The following RNF168 variants were observed in gnomAD, a reference collection of about 807,000 sequenced individuals.
The protein encoded by RNF168 is E3 ubiquitin-protein ligase RNF168.
Under a neutral mutation model 34.9 loss-of-function variants are expected in RNF168, and 34 were observed. That is an observed-to-expected ratio of 0.97 (90% CI 0.74 to 1.30). The LOEUF (loss-of-function observed/expected upper bound fraction) is 1.30. Among genes scored for constraint, RNF168 ranks in the 50% most tolerant of loss-of-function variants. The probability of loss-of-function intolerance (pLI) is 0.00; values close to 1 mark genes in which losing one functional copy is unlikely to be tolerated. For missense variants in RNF168, 725 were observed against 682.5 expected (o/e 1.06, Z -0.69); for synonymous variants, 264 against 254.7 (o/e 1.04, Z -0.35).
chr3:196,478,057 TAACAGTGAGACCCTGTCTCTTAAACAA>T (rs1732188536), intron 4 of RNF168, among the ~76,000 whole-genome samples: 1 of 152,196 alleles, frequency 6.6e-6, no homozygotes, highest in African/African-American at 2.4e-5. Context: ...GTGGCCTGGG[TAACAGTGAGACCCTGTCTCTTAAACAA>T]AACAGAAATA....
chr3:196,474,880 A>C (rs894574252), intron 5 of RNF168: 6 of 267,778 alleles, frequency 2.2e-5, no homozygotes, highest in Non-Finnish European at 4.4e-5. Flanking sequence ...TGTTTTTGTA[A>C]ACAAAGTTTT....
chr3:196,473,983 G>A (rs189392893), intron 5 of RNF168, among the ~76,000 whole-genome samples: 19 of 152,014 alleles, frequency 1.2e-4, no homozygotes, highest in Non-Finnish European at 2.4e-4. Context: ...ACCCTTACAG[G>A]GCATGTGGTC....
rs1732539052 is a variant in RNF168, at chr3:196,489,424, T to A, written c.302-741A>T. Among the ~76,000 whole-genome samples, 3 of 152,068 alleles carry A rather than the reference T, an allele frequency of 2.0e-5. No homozygotes were observed. In the South Asian group the frequency reaches 6.2e-4, roughly 32 times the overall value. On this transcript the variant is annotated intron_variant, in intron 1 of 5. Coordinates refer to ENST00000318037, the MANE Select transcript of RNF168 (RefSeq NM_152617.4). ...TCACTGCAACCTCCGCCTCCCGGGT[T>A]CAAACAATTATTGTGCCTCAGTGTC...
chr3:196,487,459 T>C lies in RNF168; in HGVS notation c.498A>G (p.Arg166=). 6.2e-7 allele frequency: 1 copy of C among 1,614,232 alleles called. No homozygotes were observed. Among genetic ancestry groups the C allele is most frequent in the Non-Finnish European group, 8.5e-7 (1 of 1,180,016 alleles). The change falls in exon 3 of 6, where the codon AGA becomes AGG. Residue 166 remains arginine, a synonymous_variant. Coordinates refer to ENST00000318037, the MANE Select transcript of RNF168 (RefSeq NM_152617.4). The part of the protein sequence containing the change: ...EEKRQAEKRR[R]AMEEQLKSDE... The stretch of plus-strand genomic sequence containing the variant: ...CACTTTTCAGTTGTTCTTCCATCGC[T>C]CTTCGCCTTTTTTCTGCCTGTCTTT...
At chr3:196,494,913 C>T (rs534428227) in intron 1 of RNF168, among the ~76,000 whole-genome samples, 2 of 152,208 alleles carry the variant, frequency 1.3e-5, no homozygotes, top group African/African-American at 4.8e-5. Flanking sequence ...GTCCCAGCTA[C>T]TCAGGAGGTT....
In RNF168 at chr3:196,469,557, T is replaced by C. The variant is rs1159969730; in HGVS notation, c.*2262A>G. ...CTTATTTTCACATTAAAAGAATAGA[T>C]TACTAGATATCAGCAGAAATGCTGT... On this transcript the variant is annotated 3_prime_UTR_variant, in exon 6 of 6. Transcript: ENST00000318037. 6.6e-6 allele frequency: 1 copy of C among 152,196 alleles called. No homozygotes were observed. The highest frequency in any genetic ancestry group is 1.5e-5 in the Non-Finnish European group (1 of 68,034). The allele number at this position is 152,196 out of a possible 1,614,324, so 9.4% of individuals were successfully genotyped here.
intron 1 of RNF168, among the ~76,000 whole-genome samples, chr3:196,502,282 G>A (rs1204083920): frequency 6.6e-6 from 1 of 151,972 alleles, no homozygotes; most frequent in African/African-American, 2.4e-5. Flanking sequence ...AATGAATGGA[G>A]ATGTATAGAT....
chr3:196,474,209 C>A (rs1349555263), intron 5 of RNF168, among the ~76,000 whole-genome samples: 1 of 149,252 alleles, frequency 6.7e-6, no homozygotes, highest in Non-Finnish European at 1.5e-5. Flanking sequence ...CTCACTGCAA[C>A]CTCCGCCTTC....
intron 5 of RNF168, among the ~76,000 whole-genome samples, chr3:196,473,548 T>C (rs1051114731): frequency 4.6e-5 from 7 of 152,146 alleles, no homozygotes; most frequent in Admixed American, 1.3e-4. Context: ...TAAGTATAAA[T>C]GATATTTAAA....
At position 196,472,129 on chromosome 3, in the gene RNF168, CCT is replaced by C; in HGVS notation, c.1404_1405del (p.Gly469IlefsTer4). On this transcript the variant is annotated frameshift_variant, in exon 6 of 6. Transcript: ENST00000318037. LOFTEE classifies it high-confidence loss of function. Reference sequence around the variant, plus strand: ...GCGTAAGTGATACTCATCTGGGGATCCTTTTTGCCGGTTTGGCACCATTTGCT... The same window carrying C: ...GCGTAAGTGATACTCATCTGGGGATCTTTTGCCGGTTTGGCACCATTTGCT... 6.2e-7 allele frequency: 1 copy of C among 1,614,048 alleles called. No homozygotes were observed. Among genetic ancestry groups the C allele is most frequent in the South Asian group, 1.1e-5 (1 of 91,042 alleles).
At chr3:196,500,569 T>C (rs1169038309) in intron 1 of RNF168, among the ~76,000 whole-genome samples, 2 of 152,170 alleles carry the variant, frequency 1.3e-5, no homozygotes, top group African/African-American at 2.4e-5. Context: ...GTTCTGGAGA[T>C]GGACGGTGGT....
intron 1 of RNF168, among the ~76,000 whole-genome samples, chr3:196,492,099 C>T (rs1378610828): frequency 1.3e-5 from 2 of 152,146 alleles, no homozygotes; most frequent in Non-Finnish European, 2.9e-5. Flanking sequence ...TCATGTCACG[C>T]AACTGTCCAT....
chr3:196,488,473 C>T, intron 2 of RNF168, 134 bp downstream of exon 2: 2 of 537,126 alleles, frequency 3.7e-6, no homozygotes, highest in Non-Finnish European at 6.6e-6. Flanking sequence ...CAGAGTGAGA[C>T]TCCATCTCAA....
At chr3:196,484,247 T>C (rs557027090) in intron 3 of RNF168, among the ~76,000 whole-genome samples, 2 of 146,124 alleles carry the variant, frequency 1.4e-5, no homozygotes, top group African/African-American at 5.1e-5. Flanking sequence ...CTCGGCTCAC[T>C]GCAAGCTCCA....
intron 1 of RNF168, among the ~76,000 whole-genome samples, chr3:196,495,534 G>C (rs896502091): frequency 2.6e-5 from 4 of 152,158 alleles, no homozygotes; most frequent in African/African-American, 7.2e-5. Context: ...ACGTTTTGTA[G>C]AATTTCAATT....
intron 1 of RNF168, 113 bp downstream of exon 1, chr3:196,502,760 C>A (rs1223196032): frequency 1.1e-6 from 1 of 909,090 alleles, no homozygotes; most frequent in Non-Finnish European, 1.8e-6. Flanking sequence ...ACTATTTAGA[C>A]AAATACTAGT....
At chr3:196,486,632 G>C (rs1192980493) in intron 3 of RNF168, among the ~76,000 whole-genome samples, 1 of 152,194 alleles carries the variant, frequency 6.6e-6, no homozygotes, top group African/African-American at 2.4e-5. Context: ...TCGCACCCTG[G>C]CAAGAAAAAA....
Position 196,503,128 on chromosome 3 carries a change from A to C in RNF168, c.46T>G (p.Cys16Gly). Residue 16 changes from cysteine (C) to glycine (G), a missense_variant, in exon 1 of 6, where the codon TGC becomes GGC. Transcript: ENST00000318037. ...ACGAGGATTTCCATGCAGATCCCGCACTGGCACTCGGACAGCGAGGGGATG... is the reference window on the plus strand; with the variant it reads ...ACGAGGATTTCCATGCAGATCCCGCCCTGGCACTCGGACAGCGAGGGGATG... ...DAIPSLSECQ[C>G]GICMEILVEP... 1 of 1,614,168 alleles carries C rather than the reference A, an allele frequency of 6.2e-7. No individual in the cohort carries two copies. Among genetic ancestry groups the C allele is most frequent in the Non-Finnish European group, 8.5e-7 (1 of 1,180,006 alleles).
At chr3:196,498,405 G>A (rs963675359) in intron 1 of RNF168, among the ~76,000 whole-genome samples, 10 of 151,906 alleles carry the variant, frequency 6.6e-5, no homozygotes, top group Non-Finnish European at 1.5e-4. Context: ...CACCCGCCTC[G>A]GCCTCCCAAA....
Sources: gnomAD v4.1 joint callset for allele counts (sites outside exome capture counted in the v4.1 genomes callset) on GRCh38, gnomAD v4.1.1 for gene constraint, MANE v1.5 for transcripts, NCBI Gene and HGNC (gene_info 2026-07-23, HGNC 2026-07-21) for gene names.